Variants in TFAP2C observed in about 807,000 individuals in gnomAD.
TFAP2C encodes the protein transcription factor AP-2 gamma.
Under a neutral mutation model 42.9 loss-of-function variants are expected in TFAP2C, and 9 were observed. The ratio of observed to expected loss-of-function variants is 0.21; its 90% confidence interval spans 0.13 to 0.37. The LOEUF is 0.37. Among genes scored for constraint, TFAP2C ranks in the 10% least tolerant of loss-of-function variants. The pLI is 1.00. For missense variants in TFAP2C, 462 were observed against 591.7 expected, an observed-to-expected ratio of 0.78 and a Z score of 2.27; for synonymous variants, 264 against 256.0, an observed-to-expected ratio of 1.03 and a Z score of -0.30.
In TFAP2C at chr20:56,629,499, G is replaced by A. The variant is rs777686286; in HGVS notation, c.-46G>A. 1 of 1,382,320 alleles carries A rather than the reference G, an allele frequency of 7.2e-7. No individual in the cohort carries two copies. The highest frequency in any genetic ancestry group is 9.4e-7 in the Non-Finnish European group (1 of 1,062,566). The allele number at this position is 1,382,320 out of a possible 1,614,324, so 85.6% of individuals were successfully genotyped here. A position where few individuals can be genotyped will look rare whatever the true frequency, so the allele number is the denominator to read the frequency against. On this transcript the variant is annotated 5_prime_UTR_variant, in exon 1 of 7. Coordinates refer to ENST00000201031, the MANE Select transcript of TFAP2C (RefSeq NM_003222.4). This position sits in a 1 kb window ranked among gnomAD's most constrained non-coding sequence, Gnocchi z 5.9. ...TGGATTTACCGCTTGGGGGCTGGGGGGATCCTGGATTTAACTGGCGACTGT... is the reference window on the plus strand; with the variant it reads ...TGGATTTACCGCTTGGGGGCTGGGGAGATCCTGGATTTAACTGGCGACTGT...
Position 56,630,770 on chromosome 20 carries a change from A to C in TFAP2C, c.49-435A>C. 4.1e-6 allele frequency: 4 copies of C among 985,018 alleles called. No individual in the cohort carries two copies. Among genetic ancestry groups the C allele is most frequent in the Non-Finnish European group, 3.6e-6 (3 of 829,836 alleles). The allele number at this position is 985,018 out of a possible 1,614,324, so 61.0% of individuals were successfully genotyped here. A position where few individuals can be genotyped will look rare whatever the true frequency, so the allele number is the denominator to read the frequency against. On this transcript the variant is annotated intron_variant, in intron 1 of 6. Coordinates refer to ENST00000201031, the MANE Select transcript of TFAP2C (RefSeq NM_003222.4). This position sits in a 1 kb window ranked among gnomAD's most constrained non-coding sequence, Gnocchi z 5.1. ...CTCTATCCGCGCCTGCCGCGCTGCC[A>C]CCTCCAGCAGTCCCTGCGTCATGGG...
Position 56,638,031 on chromosome 20 carries a change from G to T in TFAP2C, c.*18G>T, listed in dbSNP as rs1260942637. 10 of 1,606,158 alleles carry T rather than the reference G, an allele frequency of 6.2e-6. No homozygotes were observed. The highest frequency in any genetic ancestry group is 8.5e-6 in the Non-Finnish European group (10 of 1,175,622). On this transcript the variant is annotated 3_prime_UTR_variant, in exon 7 of 7. Transcript: ENST00000201031. ...GGAAATAAAATTGGAACGAAGAAAG[G>T]TTAGGAGAGTAGGGAAGGAACAGGA...
chr20:56,635,910 T>C (rs1302316875), intron 5 of TFAP2C, among the ~76,000 whole-genome samples: 2 of 152,206 alleles, frequency 1.3e-5, no homozygotes, highest in African/African-American at 4.8e-5. Context: ...GCTATGTAAA[T>C]AGTTGTTACA....
In TFAP2C at chr20:56,631,562, G is replaced by C. The variant is rs771721373; in HGVS notation, c.406G>C (p.Val136Leu). Reference sequence around the variant, plus strand: ...CCTCTCCGGGCTGGAGGCGGGCGCGGTGAGCGCCCGCAGGGATGCCTACCG... The same window carrying C: ...CCTCTCCGGGCTGGAGGCGGGCGCGCTGAGCGCCCGCAGGGATGCCTACCG... Reference protein sequence around the residue: ...PHLSGLEAGAVSARRDAYRRS... With the variant: ...PHLSGLEAGALSARRDAYRRS... Residue 136 changes from valine to leucine, a missense_variant, in exon 2 of 7, where the codon GTG (valine) becomes CTG (leucine). Val to Leu is a conservative substitution (Grantham distance 32). Around this residue, in one of 5 missense-constraint regions of TFAP2C, gnomAD observed 271 missense variants for 269.7 expected, o/e 1.00. Transcript: ENST00000201031. The surrounding 1 kb of genome is among the most constrained non-coding windows in gnomAD (Gnocchi z 6.1). 4.6e-4 allele frequency: 709 copies of C among 1,531,058 alleles called. 1 individual carries two copies. The highest frequency in any genetic ancestry group is 5.7e-4 in the Non-Finnish European group (655 of 1,145,800). 94.8% of individuals were successfully genotyped at this position (1,531,058 alleles called of 1,614,324 possible). A position where few individuals can be genotyped will look rare whatever the true frequency, so the allele number is the denominator to read the frequency against.
Position 56,631,610 on chromosome 20 carries a change from C to A in TFAP2C, c.454C>A (p.His152Asn). The change falls in exon 2 of 7, where the codon CAC becomes AAC. Residue 152 changes from histidine (H) to asparagine (N), a missense_variant. Physicochemically the swap from His to Asn is moderately conservative, Grantham distance 68. This residue lies in a region of TFAP2C where 271 missense variants were observed against 269.7 expected (regional missense o/e 1.00). Coordinates refer to ENST00000201031, the MANE Select transcript of TFAP2C (RefSeq NM_003222.4). The surrounding 1 kb of genome is among the most constrained non-coding windows in gnomAD (Gnocchi z 6.1). ...AYRRSDLLLP[H>N]AHALDAAGLA... ...CCGCCGCTCCGACCTGCTGCTGCCC[C>A]ACGCACACGCCCTGGATGCCGCGGG... 2 of 1,565,546 alleles carry A rather than the reference C, an allele frequency of 1.3e-6. No individual in the cohort carries two copies. Among genetic ancestry groups the A allele is most frequent in the Non-Finnish European group, 1.7e-6 (2 of 1,163,064 alleles).
intron 5 of TFAP2C, 26 bp from the exon 6 acceptor site, chr20:56,636,584 C>G: frequency 6.3e-7 from 1 of 1,598,042 alleles, no homozygotes; most frequent in Middle Eastern, 1.7e-4. Context: ...CACAGCCATC[C>G]TAAAAGCTGT....
In TFAP2C at chr20:56,630,907, G is replaced by A. The variant is rs1987476163; in HGVS notation, c.49-298G>A. 2.0e-6 allele frequency: 2 copies of A among 985,416 alleles called. No individual in the cohort carries two copies. Among genetic ancestry groups the A allele is most frequent in the Non-Finnish European group, 2.4e-6 (2 of 829,922 alleles). 61.0% of individuals were successfully genotyped at this position (985,416 alleles called of 1,614,324 possible). A position where few individuals can be genotyped will look rare whatever the true frequency, so the allele number is the denominator to read the frequency against. Reference sequence around the variant, plus strand: ...TTTTCTGGCCCAAGACCCAGGGTTCGGACTTGGCGCCTCCAAGCGCCTCGG... The same window carrying A: ...TTTTCTGGCCCAAGACCCAGGGTTCAGACTTGGCGCCTCCAAGCGCCTCGG... On this transcript the variant is annotated intron_variant, in intron 1 of 6. Coordinates refer to ENST00000201031, the MANE Select transcript of TFAP2C (RefSeq NM_003222.4). The surrounding 1 kb of genome is among the most constrained non-coding windows in gnomAD (Gnocchi z 5.1).
chr20:56,631,236 C>T lies in TFAP2C; in HGVS notation c.80C>T (p.Pro27Leu), dbSNP rs1371850282. The T allele has an allele frequency of 1.9e-6, 3 of 1,563,004 alleles. No individual in the cohort carries two copies. Among genetic ancestry groups the T allele is most frequent in the Admixed American group, 1.9e-5 (1 of 52,620 alleles). The change falls in exon 2 of 7, where the codon CCG becomes CTG. Residue 27 changes from proline to leucine, a missense_variant. Physicochemically the swap from Pro to Leu is moderately conservative, Grantham distance 98. Transcript: ENST00000201031. The surrounding 1 kb of genome is among the most constrained non-coding windows in gnomAD (Gnocchi z 6.1). The stretch of plus-strand genomic sequence containing the variant: ...CACGACGGGAGCAGCAATGGGAATC[C>T]GCGGGTCCCCCACCTCTCCTCCGCC... ...DRHDGSSNGN[P>L]RVPHLSSAGQ...
chr20:56,636,476 A>C (rs1987585170), intron 5 of TFAP2C, 134 bp from the exon 6 acceptor site: 2 of 911,368 alleles, frequency 2.2e-6, no homozygotes, highest in East Asian at 5.4e-5. Flanking sequence ...CAGTGAGCAG[A>C]GATCGGGCCA....
At chr20:56,633,285 G>A in intron 3 of TFAP2C, 68 bp from the exon 4 acceptor site, 1 of 1,258,354 alleles carries the variant, frequency 7.9e-7, no homozygotes, top group Non-Finnish European at 1.1e-6. Flanking sequence ...TTTGGTTATT[G>A]GTTTTGAAAA....
chr20:56,636,749 G>C lies in TFAP2C; in HGVS notation c.1062G>C (p.Ala354=), dbSNP rs374277015. ...CAGCTAGGAAGAACATGCTATTGGC[G>C]GCCCAGTAAGTATCTGAACTTGAAT... The part of the protein sequence containing the change: ...EMAARKNMLL[A]AQQLCKEFTE... The change falls in exon 6 of 7, where the codon GCG becomes GCC. Residue 354 remains alanine (A), a synonymous_variant. Transcript: ENST00000201031. 1.9e-6 allele frequency: 3 copies of C among 1,612,004 alleles called. No individual in the cohort carries two copies. Among genetic ancestry groups the C allele is most frequent in the Non-Finnish European group, 1.7e-6 (2 of 1,179,304 alleles).
Position 56,630,837 on chromosome 20 carries a change from T to A in TFAP2C, c.49-368T>A. 3 of 984,132 alleles carry A rather than the reference T, an allele frequency of 3.0e-6. No homozygotes were observed. Among genetic ancestry groups the A allele is most frequent in the Non-Finnish European group, 3.6e-6 (3 of 829,496 alleles). 61.0% of individuals were successfully genotyped at this position (984,132 alleles called of 1,614,324 possible). A position where few individuals can be genotyped will look rare whatever the true frequency, so the allele number is the denominator to read the frequency against. ...GCTCTGCACCGGGCGTCCGGCTCCT[T>A]CGCCCCGGGCTCTGGCTCCTTCGCC... On this transcript the variant is annotated intron_variant, in intron 1 of 6. Coordinates refer to ENST00000201031, the MANE Select transcript of TFAP2C (RefSeq NM_003222.4). This position sits in a 1 kb window ranked among gnomAD's most constrained non-coding sequence, Gnocchi z 5.1.
chr20:56,637,815 C>G lies in TFAP2C; in HGVS notation c.1155C>G (p.Asn385Lys). ...TSRLAPVLET[N>K]IQNCLSHFSL... ...GGCTCGCCCCAGTCTTGGAGACGAA[C>G]ATACAGAACTGCTTGTCTCATTTCA... Residue 385 changes from asparagine to lysine, a missense_variant, in exon 7 of 7, where the codon AAC becomes AAG. Coordinates refer to ENST00000201031, the MANE Select transcript of TFAP2C (RefSeq NM_003222.4). 1 of 1,613,298 alleles carries G rather than the reference C, an allele frequency of 6.2e-7. No individual in the cohort carries two copies. Among genetic ancestry groups the G allele is most frequent in the Non-Finnish European group, 8.5e-7 (1 of 1,179,224 alleles).
intron 3 of TFAP2C, among the ~76,000 whole-genome samples, chr20:56,632,529 G>A (rs1366161863): frequency 6.6e-6 from 1 of 152,158 alleles, no homozygotes; most frequent in African/African-American, 2.4e-5. Context: ...CTAAATTGAA[G>A]GTAGTTTTGG....
chr20:56,638,103 C>T lies in TFAP2C; in HGVS notation c.*90C>T. ...GCACAGACTGGGAACCCCTCCTGGCCTGGGGGAAGAGTTTGTTACCTACCT... is the reference window on the plus strand; with the variant it reads ...GCACAGACTGGGAACCCCTCCTGGCTTGGGGGAAGAGTTTGTTACCTACCT... On this transcript the variant is annotated 3_prime_UTR_variant, in exon 7 of 7. Transcript: ENST00000201031. 1 of 1,237,310 alleles carries T rather than the reference C, an allele frequency of 8.1e-7. No individual in the cohort carries two copies. The highest frequency in any genetic ancestry group is 2.5e-5 in the East Asian group (1 of 39,390). The allele number at this position is 1,237,310 out of a possible 1,614,324, so 76.6% of individuals were successfully genotyped here. A position where few individuals can be genotyped will look rare whatever the true frequency, so the allele number is the denominator to read the frequency against.
At position 56,633,487 on chromosome 20, in the gene TFAP2C, A is replaced by G. The variant is rs1478050477; in HGVS notation, c.721A>G (p.Lys241Glu). Residue 241 changes from lysine (K) to glutamate (E), a missense_variant, in exon 4 of 7, where the codon AAA (lysine) becomes GAA (glutamate). By Grantham distance (56) the Lys-to-Glu change is moderately conservative. Around this residue, in one of 5 missense-constraint regions of TFAP2C, gnomAD observed 40 missense variants for 106.8 expected, o/e 0.37. Transcript: ENST00000201031. Reference protein sequence around the residue: ...LSLLSSTSKYKVTVAEVQRRL... With the variant: ...LSLLSSTSKYEVTVAEVQRRL... ...GCTCCTCAGCTCTACGTCTAAATACAAAGTGACAGTGGCTGAAGTACAGAG... is the reference window on the plus strand; with the variant it reads ...GCTCCTCAGCTCTACGTCTAAATACGAAGTGACAGTGGCTGAAGTACAGAG... The G allele has an allele frequency of 6.2e-7, 1 of 1,614,030 alleles. No homozygotes were observed. The highest frequency in any genetic ancestry group is 1.7e-5 in the Admixed American group (1 of 59,988).
In TFAP2C at chr20:56,631,791, C is replaced by T. The variant is rs1255348028; in HGVS notation, c.535-14C>T. 1.9e-6 allele frequency: 3 copies of T among 1,614,034 alleles called. No homozygotes were observed. Among genetic ancestry groups the T allele is most frequent in the African/African-American group, 1.3e-5 (1 of 74,926 alleles). ...TCCCCCGAACTTAAGGGAATTTTGT[C>T]CTCTCTCCCCCAGAATGTCGACGAC... is the stretch of plus-strand genomic sequence containing the variant. On this transcript the variant is annotated splice_polypyrimidine_tract_variant and intron_variant, in intron 2 of 6. Coordinates refer to ENST00000201031, the MANE Select transcript of TFAP2C (RefSeq NM_003222.4). The surrounding 1 kb of genome is among the most constrained non-coding windows in gnomAD (Gnocchi z 6.1).
intron 5 of TFAP2C, among the ~76,000 whole-genome samples, chr20:56,635,445 C>T (rs1255494350): frequency 6.6e-6 from 1 of 152,104 alleles, no homozygotes; most frequent in African/African-American, 2.4e-5. Flanking sequence ...AGCTCTTCCA[C>T]TGACTTGGAC....
rs1987502140 is a variant in TFAP2C at position 56,631,971 on chromosome 20, C to G, written c.586+115C>G. ...CGTGGGACATTTGTGGTAGAAGGGA[C>G]TGAAAGGGATTCATGGAAGCTAGAT... is the stretch of plus-strand genomic sequence containing the variant. On this transcript the variant is annotated intron_variant, in intron 3 of 6. Coordinates refer to ENST00000201031, the MANE Select transcript of TFAP2C (RefSeq NM_003222.4). This position sits in a 1 kb window ranked among gnomAD's most constrained non-coding sequence, Gnocchi z 6.1. The G allele has an allele frequency of 1.7e-6, 2 of 1,176,490 alleles. No homozygotes were observed. The highest frequency in any genetic ancestry group is 2.5e-6 in the Non-Finnish European group (2 of 791,554). The allele number at this position is 1,176,490 out of a possible 1,614,324, so 72.9% of individuals were successfully genotyped here.
Sources: allele counts gnomAD v4.1 joint callset (sites outside exome capture counted in the v4.1 genomes callset), GRCh38; gene constraint gnomAD v4.1.1; regional missense constraint gnomAD v4.1.1; non-coding constraint Gnocchi (gnomAD v3.1); transcripts MANE v1.5; gene names NCBI Gene and HGNC (gene_info 2026-07-23, HGNC 2026-07-21).